RGS18: variants seen among roughly 807,000 people sequenced by gnomAD.
RGS18 encodes regulator of G-protein signaling 18.
A neutral mutation model predicts 27.6 loss-of-function variants in RGS18; 22 were observed. The observed-to-expected ratio is 0.80, with a 90% CI of 0.57 to 1.14. RGS18 has a LOEUF of 1.14. RGS18 is among the 50% of genes most tolerant of loss of function. The pLI, the probability that RGS18 is intolerant of heterozygous loss-of-function variation, is 0.00. For missense variants in RGS18, 299 were observed against 269.6 expected, an observed-to-expected ratio of 1.11 and a Z score of -0.76; for synonymous variants, 89 against 84.6, an observed-to-expected ratio of 1.05 and a Z score of -0.29.
intron 1 of RGS18, 78 bp from the exon 2 acceptor site, chr1:192,159,142 C>A (rs1342271933): frequency 4.0e-6 from 4 of 1,012,464 alleles, no homozygotes; most frequent in African/African-American, 3.2e-5. Context: ...TTACCAACTA[C>A]AAAATTTTCT....
intron 3 of RGS18, among the ~76,000 whole-genome samples, chr1:192,161,923 G>A (rs140360515): frequency 1.0e-3 from 153 of 152,128 alleles, no homozygotes; most frequent in Middle Eastern, 3.4e-3. Context: ...ACCTTTTCAT[G>A]TTCTTCTGAA....
intron 3 of RGS18, among the ~76,000 whole-genome samples, chr1:192,167,216 T>C (rs984744116): frequency 6.6e-6 from 1 of 152,154 alleles, no homozygotes; most frequent in Non-Finnish European, 1.5e-5. Context: ...AAAATACTTA[T>C]TACTAAGTTT....
Position 192,160,938 on chromosome 1 carries a change from C to T in RGS18, c.283+499C>T, listed in dbSNP as rs182468485. Among the ~76,000 whole-genome samples, 15 of 152,264 alleles carry T rather than the reference C, an allele frequency of 9.9e-5. No homozygotes were observed. In the East Asian group the frequency reaches 2.3e-3, roughly 24 times the overall value. On this transcript the variant is annotated intron_variant, in intron 3 of 4. Transcript: ENST00000367460. ...CGCCATCTCGGCTCACTGCAAGCTC[C>T]GCCTCCGTTCAGGCCATTCTCCTGC...
intron 3 of RGS18, among the ~76,000 whole-genome samples, chr1:192,170,599 T>G (rs1656237224): frequency 6.6e-6 from 1 of 151,860 alleles, no homozygotes; most frequent in Non-Finnish European, 1.5e-5. Context: ...ACATAGCATG[T>G]CAGCATGTTT....
intron 3 of RGS18, among the ~76,000 whole-genome samples, chr1:192,180,357 A>C (rs1318844556): frequency 1.3e-5 from 2 of 151,546 alleles, no homozygotes; most frequent in Non-Finnish European, 3.0e-5. Context: ...TCTTAATTTT[A>C]AATATTGAAA....
At chr1:192,176,777 G>A (rs10921104) in intron 3 of RGS18, among the ~76,000 whole-genome samples, 94,099 of 151,372 alleles carry the variant, frequency 0.62, 30,700 homozygotes, top group East Asian at 0.79. Flanking sequence ...GCAAACAAAA[G>A]TATTTAATAA....
intron 3 of RGS18, chr1:192,160,739 C>A: frequency 3.1e-6 from 1 of 323,924 alleles, no homozygotes; most frequent in East Asian, 5.6e-5. Flanking sequence ...TTATCAAATT[C>A]ATGATTAACG....
intron 1 of RGS18, 94 bp from the exon 2 acceptor site, chr1:192,159,126 G>A (rs1334938586): frequency 9.1e-6 from 7 of 767,024 alleles, no homozygotes; most frequent in African/African-American, 7.0e-5. Context: ...GGGTGGGCGT[G>A]GGTTTTTACC....
intron 3 of RGS18, among the ~76,000 whole-genome samples, chr1:192,173,529 A>AT (rs1197315801): frequency 6.6e-6 from 1 of 151,650 alleles, no homozygotes; most frequent in African/African-American, 2.4e-5. Context: ...ATTAAAATAC[A>AT]TTTTTTTCTT....
chr1:192,180,387 A>C (rs533088559), intron 3 of RGS18, among the ~76,000 whole-genome samples: 1 of 151,698 alleles, frequency 6.6e-6, no homozygotes, highest in African/African-American at 2.4e-5. Context: ...ACAGAAAGAA[A>C]AGGTAATATG....
intron 2 of RGS18, 66 bp downstream of exon 2, chr1:192,159,387 T>C (rs948656702): frequency 9.5e-7 from 1 of 1,055,792 alleles, no homozygotes; most frequent in Non-Finnish European, 1.5e-6. Flanking sequence ...TTAAGAAAAA[T>C]GCAGTTAGGG....
intron 3 of RGS18, chr1:192,169,325 A>G (rs1033513275): frequency 9.9e-5 from 15 of 152,192 alleles, no homozygotes; most frequent in Admixed American, 3.3e-4. Flanking sequence ...GTAGATTAAA[A>G]TCGAAAACGT....
intron 4 of RGS18, among the ~76,000 whole-genome samples, chr1:192,181,794 T>C (rs541737250): frequency 1.3e-5 from 2 of 151,706 alleles, no homozygotes; most frequent in East Asian, 3.9e-4. Context: ...ACACCAGAAC[T>C]TATTCTTCCT....
At chr1:192,161,947 A>G (rs987169106) in intron 3 of RGS18, among the ~76,000 whole-genome samples, 1 of 152,158 alleles carries the variant, frequency 6.6e-6, no homozygotes, top group Non-Finnish European at 1.5e-5. Context: ...AGTGATATAA[A>G]AATTCTATAT....
chr1:192,162,993 G>C (rs1656100085), intron 3 of RGS18, among the ~76,000 whole-genome samples: 1 of 152,282 alleles, frequency 6.6e-6, no homozygotes, highest in East Asian at 1.9e-4. Context: ...TTTGTTTCTA[G>C]AAGTTAGTCC....
intron 3 of RGS18, among the ~76,000 whole-genome samples, chr1:192,165,078 C>T (rs993920081): frequency 6.6e-6 from 1 of 152,054 alleles, no homozygotes; most frequent in African/African-American, 2.4e-5. Context: ...TGAATTATTT[C>T]CCCAGTAAGG....
intron 3 of RGS18, among the ~76,000 whole-genome samples, chr1:192,164,691 G>C (rs1378086299): frequency 4.6e-5 from 7 of 151,998 alleles, no homozygotes; most frequent in Admixed American, 4.6e-4. Flanking sequence ...GGGAAGTCAG[G>C]GACCCCGAAA....
At chr1:192,182,236 G>T (rs1372357734) in intron 4 of RGS18, among the ~76,000 whole-genome samples, 1 of 151,516 alleles carries the variant, frequency 6.6e-6, no homozygotes, top group African/African-American at 2.4e-5. Flanking sequence ...TCGTATGATA[G>T]TTTTATTTTT....
chr1:192,172,884 A>ATATAAAT (rs758940898), intron 3 of RGS18, among the ~76,000 whole-genome samples: 2,334 of 97,392 alleles, frequency 0.024, 27 homozygotes, highest in Non-Finnish European at 0.039. Context: ...TATATATATA[A>ATATAAAT]ATATATATAT....
Sources: gnomAD v4.1 joint callset for allele counts (sites outside exome capture counted in the v4.1 genomes callset) on GRCh38, gnomAD v4.1.1 for gene constraint, MANE v1.5 for transcripts, NCBI Gene and HGNC (gene_info 2026-07-23, HGNC 2026-07-21) for gene names.